The following CYP7B1 variants were observed in gnomAD, a reference collection of about 807,000 sequenced individuals.
CYP7B1 encodes the protein cytochrome P450 family 7 subfamily B member 1, also known as cytochrome P450 7B1.
CYP7B1 carries 29 observed loss-of-function variants against 42.7 expected under a neutral mutation model. The observed-to-expected ratio is 0.68, with a 90% CI of 0.51 to 0.93. CYP7B1 has a LOEUF of 0.93. Among genes scored for constraint, CYP7B1 ranks in the 40% least tolerant of loss-of-function variants. The pLI is 0.00. For synonymous variants in CYP7B1, 235 were observed against 218.2 expected (o/e 1.08, Z -0.68); for missense variants, 655 against 600.5 (o/e 1.09, Z -0.95).
chr8:64,769,476 C>T (rs1012675238), intron 1 of CYP7B1, among the ~76,000 whole-genome samples: 1 of 152,176 alleles, frequency 6.6e-6, no homozygotes, highest in African/African-American at 2.4e-5. Flanking sequence ...TCACCCTATC[C>T]TCTGTGTATC....
At chr8:64,652,791 C>G (rs1806060129) in intron 1 of CYP7B1, among the ~76,000 whole-genome samples, 2 of 152,158 alleles carry the variant, frequency 1.3e-5, no homozygotes, top group African/African-American at 4.8e-5. Flanking sequence ...TTGCAGTGAA[C>G]TGAGATCGTG....
intron 1 of CYP7B1, among the ~76,000 whole-genome samples, chr8:64,702,197 C>T (rs1236079287): frequency 6.6e-6 from 1 of 151,800 alleles, no homozygotes; most frequent in Non-Finnish European, 1.5e-5. Context: ...CTATACTAAG[C>T]ATGAAAATAA....
chr8:64,683,664 A>G (rs55852316), intron 1 of CYP7B1, among the ~76,000 whole-genome samples: 15,343 of 152,198 alleles, frequency 0.1, 1,297 homozygotes, highest in African/African-American at 0.22. Context: ...ATTTTCCATG[A>G]TGGGCTTATT....
chr8:64,795,605 C>T (rs1194417964), intron 1 of CYP7B1, among the ~76,000 whole-genome samples: 2 of 152,140 alleles, frequency 1.3e-5, no homozygotes, highest in Non-Finnish European at 2.9e-5. Flanking sequence ...AATAATCAGA[C>T]AAAAAACCCA....
chr8:64,787,054 G>T (rs1181534069), intron 1 of CYP7B1, among the ~76,000 whole-genome samples: 1 of 152,216 alleles, frequency 6.6e-6, no homozygotes, highest in Admixed American at 6.5e-5. Flanking sequence ...ACAGAGCAGT[G>T]GGGCAGGGGT....
At chr8:64,748,044 C>G (rs1250719718) in intron 1 of CYP7B1, among the ~76,000 whole-genome samples, 1 of 152,188 alleles carries the variant, frequency 6.6e-6, no homozygotes, top group Non-Finnish European at 1.5e-5. Flanking sequence ...AACTCCTCTT[C>G]TGGGGACAAC....
chr8:64,764,413 G>A (rs937718961), intron 1 of CYP7B1, among the ~76,000 whole-genome samples: 7 of 152,132 alleles, frequency 4.6e-5, no homozygotes, highest in African/African-American at 1.7e-4. Flanking sequence ...AAGGGAAAGA[G>A]AGGCAGAGAG....
At chr8:64,796,742 T>C (rs1192728363) in intron 1 of CYP7B1, among the ~76,000 whole-genome samples, 1 of 152,194 alleles carries the variant, frequency 6.6e-6, no homozygotes, top group Non-Finnish European at 1.5e-5. Flanking sequence ...ATCTAAAATG[T>C]ATTGCAAAGT....
chr8:64,693,529 C>T lies in CYP7B1; in HGVS notation c.123-68990G>A, dbSNP rs191927791. 1.8e-3 allele frequency among the ~76,000 whole-genome samples: 270 copies of T among 152,248 alleles called. 2 individuals are homozygous for T. The highest frequency in any genetic ancestry group is 6.0e-3 in the African/African-American group (251 of 41,538). ...GATTATACTTAAATGATCCTTTCCTCTAACATTTCTAATAATAAACTGTAT... is the reference window on the plus strand; with the variant it reads ...GATTATACTTAAATGATCCTTTCCTTTAACATTTCTAATAATAAACTGTAT... On this transcript the variant is annotated intron_variant, in intron 1 of 5. Coordinates refer to ENST00000310193, the MANE Select transcript of CYP7B1 (RefSeq NM_004820.5).
chr8:64,691,866 A>G (rs535729069), intron 1 of CYP7B1, among the ~76,000 whole-genome samples: 1 of 152,290 alleles, frequency 6.6e-6, no homozygotes, highest in Admixed American at 6.5e-5. Flanking sequence ...CTTCCCCAGT[A>G]CAGACGATGC....
chr8:64,649,221 C>T (rs542970691), intron 1 of CYP7B1, among the ~76,000 whole-genome samples: 27 of 152,264 alleles, frequency 1.8e-4, no homozygotes, highest in African/African-American at 6.5e-4. Flanking sequence ...TGAATTTCCT[C>T]CCCCAAGCCC....
Position 64,668,288 on chromosome 8 carries a change from A to G in CYP7B1, c.123-43749T>C, listed in dbSNP as rs866326597. On this transcript the variant is annotated intron_variant, in intron 1 of 5. Coordinates refer to ENST00000310193, the MANE Select transcript of CYP7B1 (RefSeq NM_004820.5). ...ACGCTCCCTGTATATCTTAGCGACC[A>G]TCTATCAAAAATAAGCCTTGGGGAG... is the stretch of plus-strand genomic sequence containing the variant. Among the ~76,000 whole-genome samples the G allele has an allele frequency of 2.0e-5, 3 of 152,190 alleles. No homozygotes were observed. The South Asian group carries it at 6.2e-4, about 32-fold the overall frequency.
At position 64,615,246 on chromosome 8, in the gene CYP7B1, A is replaced by C. The variant is rs1805420380; in HGVS notation, c.851-14T>G. 6.2e-7 allele frequency: 1 copy of C among 1,606,592 alleles called. No homozygotes were observed. Among genetic ancestry groups the C allele is most frequent in the Admixed American group, 1.7e-5 (1 of 59,320 alleles). ...CTAAATGATGTGCTGGGAGAAAATA[A>C]GTGAAAAGGAAGATTAATAGCGTTT... On this transcript the variant is annotated splice_polypyrimidine_tract_variant and intron_variant, in intron 3 of 5. Coordinates refer to ENST00000310193, the MANE Select transcript of CYP7B1 (RefSeq NM_004820.5).
intron 1 of CYP7B1, among the ~76,000 whole-genome samples, chr8:64,733,718 C>A (rs1191357922): frequency 2.0e-5 from 3 of 152,166 alleles, no homozygotes; most frequent in Admixed American, 2.0e-4. Flanking sequence ...TGCTTGCAAT[C>A]CCAGCTGCCT....
chr8:64,788,079 T>C (rs930360239), intron 1 of CYP7B1, among the ~76,000 whole-genome samples: 1 of 152,230 alleles, frequency 6.6e-6, no homozygotes, highest in Non-Finnish European at 1.5e-5. Context: ...CAATTCAAGA[T>C]GAGATTTGGG....
At chr8:64,765,473 C>A (rs1373278020) in intron 1 of CYP7B1, among the ~76,000 whole-genome samples, 1 of 152,126 alleles carries the variant, frequency 6.6e-6, no homozygotes, top group Admixed American at 6.5e-5. Context: ...TACTCAGGAA[C>A]CCAGCCCAGC....
chr8:64,695,627 T>TTTG, intron 1 of CYP7B1, among the ~76,000 whole-genome samples: 1 of 122,564 alleles, frequency 8.2e-6, no homozygotes, highest in Non-Finnish European at 1.7e-5. Flanking sequence ...TTTTTTTTTT[T>TTTG]TTAAGGAAAA....
At chr8:64,728,024 T>C (rs1159358120) in intron 1 of CYP7B1, 4 of 152,210 alleles carry the variant, frequency 2.6e-5, no homozygotes, top group African/African-American at 9.6e-5. Context: ...ATTTGGACAA[T>C]AGGGTCATAA....
rs531843154 is a variant in CYP7B1, at chr8:64,781,835, T to C, written c.122+16631A>G. Among the ~76,000 whole-genome samples, 6 of 152,146 alleles carry C rather than the reference T, an allele frequency of 3.9e-5. No homozygotes were observed. The South Asian group carries it at 1.0e-3, about 26-fold the overall frequency. On this transcript the variant is annotated intron_variant, in intron 1 of 5. Coordinates refer to ENST00000310193, the MANE Select transcript of CYP7B1 (RefSeq NM_004820.5). ...GAAGGCTTTATTCTGCCTATCACAG[T>C]CTAATGGATCTACAACCAAAAACCC...
Sources: allele counts gnomAD v4.1 joint callset (sites outside exome capture counted in the v4.1 genomes callset), GRCh38; gene constraint gnomAD v4.1.1; transcripts MANE v1.5; gene names NCBI Gene and HGNC (gene_info 2026-07-23, HGNC 2026-07-21).